Variants in FBXW7 observed in about 807,000 individuals in gnomAD.
FBXW7 encodes the protein F-box/WD repeat-containing protein 7.
Under a neutral mutation model 86.3 loss-of-function variants are expected in FBXW7, and 11 were observed. The observed-to-expected ratio is 0.13, with a 90% CI of 0.08 to 0.21. FBXW7 has a LOEUF of 0.21. Among genes scored for constraint, FBXW7 ranks in the 10% least tolerant of loss-of-function variants. The pLI is 1.00. For missense variants in FBXW7, 488 were observed against 847.4 expected (o/e 0.58, Z 5.27); for synonymous variants, 313 against 297.9 (o/e 1.05, Z -0.52).
intron 5 of FBXW7, among the ~76,000 whole-genome samples, chr4:152,349,685 C>T (rs1731614953): frequency 6.6e-6 from 1 of 151,732 alleles, no homozygotes; most frequent in African/African-American, 2.4e-5. Flanking sequence ...TTCAAATTTC[C>T]ATACATAAAT....
chr4:152,369,748 T>TA (rs1355385749), intron 4 of FBXW7, among the ~76,000 whole-genome samples: 10 of 152,194 alleles, frequency 6.6e-5, no homozygotes, highest in African/African-American at 2.4e-4. Context: ...AAAACTGCAC[T>TA]GATCTTGGTA....
chr4:152,485,570 T>C (rs1323278725), intron 2 of FBXW7, among the ~76,000 whole-genome samples: 4 of 152,182 alleles, frequency 2.6e-5, no homozygotes, highest in African/African-American at 4.8e-5. Context: ...AATTCAAATA[T>C]CACTAGTTTT....
intron 2 of FBXW7, among the ~76,000 whole-genome samples, chr4:152,471,127 C>T (rs1743915896): frequency 6.6e-6 from 1 of 151,714 alleles, no homozygotes; most frequent in Non-Finnish European, 1.5e-5. Flanking sequence ...TCTATGACTA[C>T]TACTGTTAAA....
chr4:152,339,509 TTG>T (rs1730497325), intron 6 of FBXW7, among the ~76,000 whole-genome samples: 1 of 152,220 alleles, frequency 6.6e-6, no homozygotes, highest in Non-Finnish European at 1.5e-5. Flanking sequence ...CATTAATTTA[TTG>T]ATTCACATCC....
intron 2 of FBXW7, among the ~76,000 whole-genome samples, chr4:152,427,230 T>C (rs532008278): frequency 6.6e-6 from 1 of 152,310 alleles, no homozygotes; most frequent in South Asian, 2.1e-4. Flanking sequence ...TGTAAAAATA[T>C]AATTGATCAA....
At chr4:152,499,200 C>A (rs909129687) in intron 2 of FBXW7, among the ~76,000 whole-genome samples, 1 of 152,108 alleles carries the variant, frequency 6.6e-6, no homozygotes, top group Admixed American at 6.5e-5. Context: ...GTCACTGCTA[C>A]CTCTAAACAG....
chr4:152,463,860 T>C (rs900625410), intron 2 of FBXW7, among the ~76,000 whole-genome samples: 2 of 151,954 alleles, frequency 1.3e-5, no homozygotes, highest in Admixed American at 6.5e-5. Context: ...TATATATAAG[T>C]GGTATATAAA....
chr4:152,509,570 T>C (rs1461745392), intron 2 of FBXW7, among the ~76,000 whole-genome samples: 1 of 152,168 alleles, frequency 6.6e-6, no homozygotes, highest in Non-Finnish European at 1.5e-5. Flanking sequence ...AAACTATTAT[T>C]GCTTCCTGCT....
chr4:152,476,314 T>C (rs1214449229), intron 2 of FBXW7, among the ~76,000 whole-genome samples: 1 of 152,116 alleles, frequency 6.6e-6, no homozygotes, highest in Non-Finnish European at 1.5e-5. Flanking sequence ...TCATAACTTA[T>C]GCAAACAAAA....
intron 4 of FBXW7, among the ~76,000 whole-genome samples, chr4:152,397,216 CCT>C (rs960583348): frequency 2.7e-4 from 41 of 152,012 alleles, no homozygotes; most frequent in Admixed American, 2.2e-3. Context: ...ATTTCTGCCC[CCT>C]GAAACATAAC....
chr4:152,435,404 G>T (rs1248276531), intron 2 of FBXW7, among the ~76,000 whole-genome samples: 4 of 152,168 alleles, frequency 2.6e-5, no homozygotes. Context: ...GCAGGAATAT[G>T]ACGGAAGTGA....
chr4:152,405,157 T>A (rs1737299648), intron 4 of FBXW7, among the ~76,000 whole-genome samples: 1 of 149,272 alleles, frequency 6.7e-6, no homozygotes, highest in Admixed American at 6.7e-5. Flanking sequence ...AGTTTGCCAG[T>A]CTTCAATTCT....
chr4:152,324,995 C>T (rs1045276790), intron 12 of FBXW7: 1 of 152,706 alleles, frequency 6.5e-6, no homozygotes, highest in African/African-American at 2.4e-5. Flanking sequence ...AAGCAAACTA[C>T]ATACTACCTC....
At chr4:152,430,246 C>T (rs1465738373) in intron 2 of FBXW7, among the ~76,000 whole-genome samples, 1 of 152,070 alleles carries the variant, frequency 6.6e-6, no homozygotes, top group Non-Finnish European at 1.5e-5. Flanking sequence ...TGTGGCCAAC[C>T]AACAATGCTT....
chr4:152,330,294 T>C (rs924534295), intron 9 of FBXW7, among the ~76,000 whole-genome samples: 2 of 151,938 alleles, frequency 1.3e-5, no homozygotes, highest in East Asian at 3.8e-4. Flanking sequence ...ATTCTTTATG[T>C]ATTTGAAATG....
intron 2 of FBXW7, among the ~76,000 whole-genome samples, chr4:152,523,108 T>A (rs1340865271): frequency 6.6e-6 from 1 of 152,254 alleles, no homozygotes; most frequent in African/African-American, 2.4e-5. Flanking sequence ...CACAGCAGTT[T>A]CAGCAACTAG....
At chr4:152,515,268 C>T (rs891333769) in intron 2 of FBXW7, among the ~76,000 whole-genome samples, 1 of 152,060 alleles carries the variant, frequency 6.6e-6, no homozygotes, top group Non-Finnish European at 1.5e-5. Flanking sequence ...GTTTAAAATA[C>T]TAAAAAATGC....
chr4:152,407,546 A>G (rs976551168), intron 4 of FBXW7, among the ~76,000 whole-genome samples: 2 of 152,226 alleles, frequency 1.3e-5, no homozygotes, highest in African/African-American at 2.4e-5. Flanking sequence ...TGTTAGCCAC[A>G]TTATCCTACA....
At position 152,463,685 on chromosome 4, in the gene FBXW7, G is replaced by A. The variant is rs560580785; in HGVS notation, c.-119-51156C>T. On this transcript the variant is annotated intron_variant, in intron 2 of 13. Coordinates refer to ENST00000281708, the MANE Select transcript of FBXW7 (RefSeq NM_001349798.2). ...TTCCACTGGGAAATAACAATTTTGG[G>A]GTGCTAAGGACCTGGCGACTGAGAA... 1.3e-4 allele frequency among the ~76,000 whole-genome samples: 20 copies of A among 152,250 alleles called. No homozygotes were observed. In the East Asian group the frequency reaches 2.9e-3, roughly 22 times the overall value.
Sources: gnomAD v4.1 joint callset for allele counts (sites outside exome capture counted in the v4.1 genomes callset) on GRCh38, gnomAD v4.1.1 for gene constraint, MANE v1.5 for transcripts, NCBI Gene and HGNC (gene_info 2026-07-23, HGNC 2026-07-21) for gene names.